The following SERINC2 variants were observed in gnomAD, a reference collection of about 807,000 sequenced individuals.
SERINC2 encodes the protein serine incorporator 2, also known as tumor differentially expressed protein 2.
Under a neutral mutation model 54.2 loss-of-function variants are expected in SERINC2, and 56 were observed. The ratio of observed to expected loss-of-function variants is 1.03; its 90% CI spans 0.83 to 1.29. The LOEUF is 1.29. Ranked by LOEUF, SERINC2 falls within the 50% of genes most tolerant of loss-of-function variation. The probability of loss-of-function intolerance (pLI) is 0.00; values close to 1 mark genes in which losing one functional copy is unlikely to be tolerated. For synonymous variants in SERINC2, 272 were observed against 253.1 expected (o/e 1.07, Z -0.71); for missense variants, 614 against 607.4 (o/e 1.01, Z -0.12).
In SERINC2 at chr1:31,425,918, G is replaced by A. The variant is rs1557494999; in HGVS notation, c.610+5G>A. On this transcript the variant is annotated splice_donor_5th_base_variant and intron_variant, in intron 5 of 9. Coordinates refer to ENST00000373709, the MANE Select transcript of SERINC2 (RefSeq NM_178865.5). Reference sequence around the variant, plus strand: ...ATTCCCGTGCCTGGTACGCAGGTCAGTGCTGCCACCCTGCCTCCGTGTGGG... The same window carrying A: ...ATTCCCGTGCCTGGTACGCAGGTCAATGCTGCCACCCTGCCTCCGTGTGGG... The A allele has an allele frequency of 1.2e-6, 2 of 1,609,782 alleles. No homozygotes were observed. Among genetic ancestry groups the A allele is most frequent in the Non-Finnish European group, 1.7e-6 (2 of 1,179,176 alleles).
At chr1:31,410,438 G>A (rs1553131340), upstream of SERINC2, 12 of 1,550,446 alleles carry the variant, frequency 7.7e-6, no homozygotes, top group Non-Finnish European at 2.6e-6. Flanking sequence ...GCCACACAGT[G>A]AGTTATGCCT....
At chr1:31,413,141 G>A (rs1441594034), upstream of SERINC2, 357 of 1,004,258 alleles carry the variant, frequency 3.6e-4, no homozygotes, top group Non-Finnish European at 4.1e-4. The surrounding 1 kb of genome is among the most constrained non-coding windows in gnomAD (Gnocchi z 5.0). Flanking sequence ...AGCGTCGAGC[G>A]GCTTCGGTAG....
intron 8 of SERINC2, among the ~76,000 whole-genome samples, chr1:31,431,810 T>G (rs1570065264): frequency 6.9e-6 from 1 of 145,038 alleles, no homozygotes; most frequent in African/African-American, 2.5e-5. Flanking sequence ...GTGGACAGGG[T>G]GGACAGGGTG....
At chr1:31,423,587 G>A (rs1446124034) in intron 1 of SERINC2, 106 bp from the exon 2 acceptor site, 1 of 1,189,556 alleles carries the variant, frequency 8.4e-7, no homozygotes, top group Middle Eastern at 2.8e-4. Flanking sequence ...GGAACAGTGT[G>A]CTCCTGCCTA....
At chr1:31,431,121 C>A (rs963105709) in intron 8 of SERINC2, among the ~76,000 whole-genome samples, 11 of 150,950 alleles carry the variant, frequency 7.3e-5, no homozygotes, top group Admixed American at 3.3e-4. Flanking sequence ...TCCCCTCCCC[C>A]CTCCTCTCTC....
In SERINC2 at chr1:31,432,918, G is replaced by A. The variant is rs1553134954; in HGVS notation, c.1014-49G>A. 5 of 1,446,156 alleles carry A rather than the reference G, an allele frequency of 3.5e-6. No homozygotes were observed. The South Asian group carries it at 3.6e-5, about 11-fold the overall frequency. 89.6% of individuals were successfully genotyped at this position (1,446,156 alleles called of 1,614,324 possible). On this transcript the variant is annotated intron_variant, in intron 8 of 9. Transcript: ENST00000373709. Reference sequence around the variant, plus strand: ...TGGGACCATTTGTGTCCAGTGTTATGAGCAACGCCAGAGCTATCTATTTGC... The same window carrying A: ...TGGGACCATTTGTGTCCAGTGTTATAAGCAACGCCAGAGCTATCTATTTGC...
chr1:31,421,086 C>A (rs1269151728), intron 1 of SERINC2, among the ~76,000 whole-genome samples: 1 of 152,204 alleles, frequency 6.6e-6, no homozygotes, highest in Non-Finnish European at 1.5e-5. Context: ...GGTGAACAAG[C>A]ATTACCGCCT....
At chr1:31,429,375 G>T in intron 7 of SERINC2, 22 bp from the exon 8 acceptor site, 2 of 1,600,672 alleles carry the variant, frequency 1.2e-6, no homozygotes, top group African/African-American at 1.3e-5. Context: ...TGGGCTGAGG[G>T]TGATTGTGCT....
At chr1:31,431,868 T>G (rs373121600) in intron 8 of SERINC2, among the ~76,000 whole-genome samples, 235 of 18,940 alleles carry the variant, frequency 0.012, 1 homozygote, top group Middle Eastern at 0.042. Flanking sequence ...ATAGGGTGGA[T>G]AGGGTGGACA....
chr1:31,416,517 G>T (rs1020569206), intron 1 of SERINC2, among the ~76,000 whole-genome samples: 1 of 152,206 alleles, frequency 6.6e-6, no homozygotes, highest in Non-Finnish European at 1.5e-5. Flanking sequence ...GGACATTTCC[G>T]GCTGACCTCT....
intron 1 of SERINC2, chr1:31,414,901 G>A (rs1196658974): frequency 9.1e-6 from 3 of 328,648 alleles, no homozygotes; most frequent in African/African-American, 6.7e-5. Flanking sequence ...TCACAATGCT[G>A]TTGGGAGATG....
intron 1 of SERINC2, chr1:31,416,008 C>A: frequency 1.4e-6 from 1 of 696,764 alleles, no homozygotes; most frequent in Non-Finnish European, 1.8e-6. Context: ...GCAAAGATTT[C>A]AGGAGGGTCT....
chr1:31,410,314 A>G (rs1029120092), upstream of SERINC2: 4 of 1,540,522 alleles, frequency 2.6e-6, no homozygotes, highest in Admixed American at 2.0e-5. Flanking sequence ...CTCTTTATCC[A>G]TGTCCTCACT....
intron 1 of SERINC2, among the ~76,000 whole-genome samples, chr1:31,420,282 C>G (rs1640874428): frequency 6.6e-6 from 1 of 152,174 alleles, no homozygotes; most frequent in African/African-American, 2.4e-5. Context: ...GTCTCTCTGG[C>G]TGCTGATCAG....
upstream of SERINC2, among the ~76,000 whole-genome samples, chr1:31,412,904 C>T (rs1297343826): frequency 3.3e-5 from 5 of 152,220 alleles, no homozygotes; most frequent in African/African-American, 1.2e-4. Context: ...CGGTGACCAC[C>T]TCTTGGCTTC....
At chr1:31,432,594 G>T (rs1392113470) in intron 8 of SERINC2, among the ~76,000 whole-genome samples, 3 of 152,160 alleles carry the variant, frequency 2.0e-5, no homozygotes. Flanking sequence ...CTCGATACGT[G>T]TTTATGGAAA....
At chr1:31,429,841 G>T (rs1452847627) in intron 8 of SERINC2, among the ~76,000 whole-genome samples, 2 of 152,112 alleles carry the variant, frequency 1.3e-5, no homozygotes, top group Non-Finnish European at 2.9e-5. Flanking sequence ...AGTGGGTCCA[G>T]GGTCTGTTTC....
rs1553135048 is a variant in SERINC2, at chr1:31,433,057, G to GCA, written c.1104_1105insCA (p.Val369GlnfsTer36). On this transcript the variant is annotated frameshift_variant, in exon 9 of 10. Coordinates refer to ENST00000373709, the MANE Select transcript of SERINC2 (RefSeq NM_178865.5). LOFTEE classifies it high-confidence loss of function. ...TAGACGCCACACAGCAGCAGCAGCAGGTGGCAGCCTGTGAGGGCCGGGCCT... is the reference window on the plus strand; with the variant it reads ...TAGACGCCACACAGCAGCAGCAGCAGCAGTGGCAGCCTGTGAGGGCCGGGCCT... 4.3e-6 allele frequency: 7 copies of GCA among 1,612,932 alleles called. No individual in the cohort carries two copies. The highest frequency in any genetic ancestry group is 1.3e-5 in the African/African-American group (1 of 74,832).
At chr1:31,411,315 C>T (rs186972312), upstream of SERINC2, among the ~76,000 whole-genome samples, 2 of 152,310 alleles carry the variant, frequency 1.3e-5, no homozygotes, top group East Asian at 3.9e-4. Flanking sequence ...TTCTTCTGAG[C>T]TGTGTGGCCT....
Sources: allele counts gnomAD v4.1 joint callset (sites outside exome capture counted in the v4.1 genomes callset), GRCh38; gene constraint gnomAD v4.1.1; non-coding constraint Gnocchi (gnomAD v3.1); transcripts MANE v1.5; gene names NCBI Gene and HGNC (gene_info 2026-07-23, HGNC 2026-07-21).